The following RPS6KA2 variants were observed in gnomAD, a reference collection of about 807,000 sequenced individuals.
RPS6KA2 encodes ribosomal protein S6 kinase alpha-2.
RPS6KA2 carries 42 observed loss-of-function variants against 91.8 expected under a neutral mutation model. That is an observed-to-expected ratio of 0.46 (90% confidence interval 0.36 to 0.59). The LOEUF is 0.59. RPS6KA2 is among the 20% of genes least tolerant of loss of function. The probability of loss-of-function intolerance (pLI) is 0.00; values close to 1 mark genes in which losing one functional copy is unlikely to be tolerated. For missense variants in RPS6KA2, 798 were observed against 978.5 expected (o/e 0.82, Z 2.46); for synonymous variants, 414 against 393.6 (o/e 1.05, Z -0.61).
At chr6:166,613,615 C>T (rs755826796) in intron 1 of RPS6KA2, among the ~76,000 whole-genome samples, 35 of 152,342 alleles carry the variant, frequency 2.3e-4, no homozygotes, top group Non-Finnish European at 3.4e-4. Context: ...ACCCTGGTGT[C>T]GGATGGCAGC....
intron 5 of RPS6KA2, among the ~76,000 whole-genome samples, chr6:166,504,859 T>A (rs1031756152): frequency 2.6e-5 from 4 of 151,872 alleles, no homozygotes; most frequent in African/African-American, 9.7e-5. Flanking sequence ...GCCTTGAGAG[T>A]GGGGTGCTGA....
chr6:166,593,306 G>A (rs533453074), intron 1 of RPS6KA2, among the ~76,000 whole-genome samples: 56 of 152,032 alleles, frequency 3.7e-4, no homozygotes, highest in African/African-American at 1.1e-3. Context: ...AGAAGAGAAT[G>A]GAATGGAATG....
chr6:166,505,839 G>A (rs1271355030), intron 5 of RPS6KA2, among the ~76,000 whole-genome samples: 1 of 152,226 alleles, frequency 6.6e-6, no homozygotes, highest in Admixed American at 6.5e-5. Flanking sequence ...GGTGCTCAGT[G>A]GACTGACTGA....
chr6:166,574,552 TC>T (rs1784786519), intron 1 of RPS6KA2, among the ~76,000 whole-genome samples: 1 of 152,228 alleles, frequency 6.6e-6, no homozygotes, highest in Non-Finnish European at 1.5e-5. Flanking sequence ...CTTTGTCCAA[TC>T]CACCATTAAT....
intron 1 of RPS6KA2, among the ~76,000 whole-genome samples, chr6:166,581,392 C>T (rs922908102): frequency 1.3e-4 from 20 of 152,250 alleles, no homozygotes; most frequent in African/African-American, 4.3e-4. Flanking sequence ...CACCTGGATG[C>T]GCAGGTCAAA....
At chr6:166,627,388 CCA>C (rs1786932591), upstream of RPS6KA2, 1 of 228,860 alleles carries the variant, frequency 4.4e-6, no homozygotes, top group Admixed American at 6.5e-5. Flanking sequence ...TCAGCGCTCA[CCA>C]CCCCTCCCGT....
At chr6:166,851,823 A>G (rs1780753174) in intron 2 of RPS6KA2, among the ~76,000 whole-genome samples, 1 of 152,216 alleles carries the variant, frequency 6.6e-6, no homozygotes, top group Admixed American at 6.5e-5. Context: ...ATGACAAATG[A>G]CAAACACTCA....
intron 2 of RPS6KA2, among the ~76,000 whole-genome samples, chr6:166,854,400 A>C (rs1780830183): frequency 6.6e-6 from 1 of 152,214 alleles, no homozygotes; most frequent in Non-Finnish European, 1.5e-5. Context: ...AGTCTACTCC[A>C]CGAAACTCAT....
chr6:166,833,206 G>A (rs1435656128), intron 2 of RPS6KA2, among the ~76,000 whole-genome samples: 1 of 152,242 alleles, frequency 6.6e-6, no homozygotes, highest in Non-Finnish European at 1.5e-5. Context: ...TAGACTCACA[G>A]CCAGGTGATC....
At position 166,726,203 on chromosome 6, in the gene RPS6KA2, C is replaced by T. The variant is rs1257350347; in HGVS notation, c.123+131997G>A. 1.3e-5 allele frequency among the ~76,000 whole-genome samples: 2 copies of T among 151,886 alleles called. No homozygotes were observed. Among genetic ancestry groups the T allele is most frequent in the African/African-American group, 4.8e-5 (2 of 41,324 alleles). ...TAAATCTACTATTTATAAGCAAAGT[C>T]CTAGCCACGGCCATCTGATGTGGTA... On this transcript the variant is annotated intron_variant, in intron 2 of 21. Transcript: ENST00000503859. The surrounding 1 kb of genome is among the most constrained non-coding windows in gnomAD (Gnocchi z 4.4).
chr6:166,531,199 C>T, intron 3 of RPS6KA2, 33 bp downstream of exon 3: 4 of 1,445,500 alleles, frequency 2.8e-6, no homozygotes, highest in Non-Finnish European at 3.9e-6. Flanking sequence ...AGTTACCTGT[C>T]TCTGAAGCAG....
rs536738322 is a variant in RPS6KA2, at chr6:166,504,535, C to T, written c.537G>A (p.Gly179=). 6.2e-7 allele frequency: 1 copy of T among 1,613,376 alleles called. No individual in the cohort carries two copies. Among genetic ancestry groups the T allele is most frequent in the Non-Finnish European group, 8.5e-7 (1 of 1,179,470 alleles). The change falls in exon 6 of 21, where the codon GGG becomes GGA. Residue 179 remains glycine, a synonymous_variant. Transcript: ENST00000265678. ...CAGGCTTCAGATCTCTGTAGATGAT[C>T]CCCAGGCTGTGGAGATGGTCTAAAG... The part of the protein sequence containing the change: ...ALALDHLHSL[G]IIYRDLKPEN...
chr6:166,471,368 G>A (rs1056173950), intron 10 of RPS6KA2, among the ~76,000 whole-genome samples: 4 of 152,194 alleles, frequency 2.6e-5, no homozygotes, highest in African/African-American at 9.6e-5. Flanking sequence ...TGTGGAGGAG[G>A]CTCGGGGGCT....
rs572544986 is a variant in RPS6KA2, at chr6:166,533,697, A to G, written c.217-2384T>C. On this transcript the variant is annotated intron_variant, in intron 2 of 20. Transcript: ENST00000265678. The surrounding 1 kb of genome is among the most constrained non-coding windows in gnomAD (Gnocchi z 4.0). The stretch of plus-strand genomic sequence containing the variant: ...AAGCCTTGGGTGGTTGCTCCAGCCC[A>G]TGGTGGACTTTGGTAGGGTGACAGA... Among the ~76,000 whole-genome samples, 1 of 152,344 alleles carries G rather than the reference A, an allele frequency of 6.6e-6. No homozygotes were observed. Among genetic ancestry groups the G allele is most frequent in the African/African-American group, 2.4e-5 (1 of 41,586 alleles).
chr6:166,478,097 C>T (rs554746285), intron 10 of RPS6KA2, among the ~76,000 whole-genome samples: 51 of 152,316 alleles, frequency 3.3e-4, no homozygotes, highest in South Asian at 3.3e-3. Context: ...CACAGCAAAC[C>T]CTCACGCATG....
intron 2 of RPS6KA2, among the ~76,000 whole-genome samples, chr6:166,649,258 C>T (rs1787775981): frequency 1.3e-5 from 2 of 152,210 alleles, no homozygotes; most frequent in African/African-American, 4.8e-5. Flanking sequence ...CCTCTTCCTT[C>T]TTCTTAGATC....
At chr6:166,591,184 G>A (rs966768342) in intron 1 of RPS6KA2, among the ~76,000 whole-genome samples, 4 of 152,210 alleles carry the variant, frequency 2.6e-5, no homozygotes, top group Non-Finnish European at 5.9e-5. Flanking sequence ...AAAGGCCAGC[G>A]TGCAAGGACT....
At position 166,784,687 on chromosome 6, in the gene RPS6KA2, A is replaced by G. The variant is rs9364869; in HGVS notation, c.123+73513T>C. Reference sequence around the variant, plus strand: ...GTGCACACCTATCTATACCACATATATACACGTGCACACCTATGCATAACC... The same window carrying G: ...GTGCACACCTATCTATACCACATATGTACACGTGCACACCTATGCATAACC... On this transcript the variant is annotated intron_variant, in intron 2 of 21. Coordinates refer to the RPS6KA2 transcript ENST00000503859. 4.2e-5 allele frequency among the ~76,000 whole-genome samples: 2 copies of G among 47,084 alleles called. 1 individual carries two copies. Among genetic ancestry groups the G allele is most frequent in the Non-Finnish European group, 1.1e-4 (2 of 18,692 alleles). 30.9% of individuals were successfully genotyped at this position (47,084 alleles called of 152,430 possible).
At chr6:166,660,312 A>ATG (rs1491448418) in intron 2 of RPS6KA2, among the ~76,000 whole-genome samples, 6 of 148,600 alleles carry the variant, frequency 4.0e-5, no homozygotes, top group Admixed American at 3.3e-4. Flanking sequence ...GTGTGTGTGC[A>ATG]TGTGTGTGTG....
Sources: allele counts gnomAD v4.1 joint callset (sites outside exome capture counted in the v4.1 genomes callset), GRCh38; gene constraint gnomAD v4.1.1; non-coding constraint Gnocchi (gnomAD v3.1); transcripts MANE v1.5; gene names NCBI Gene and HGNC (gene_info 2026-07-23, HGNC 2026-07-21).